The following METTL3 variants were observed in gnomAD, a reference collection of about 807,000 sequenced individuals.
The protein encoded by METTL3 is N(6)-adenosine-methyltransferase catalytic subunit METTL3.
Under a neutral mutation model 64.3 loss-of-function variants are expected in METTL3, and 42 were observed. The ratio of observed to expected loss-of-function variants is 0.65; its 90% CI spans 0.51 to 0.84. METTL3 has a LOEUF of 0.84. Ranked by LOEUF, METTL3 falls within the 40% of genes least tolerant of loss-of-function variation. METTL3 has a pLI of 0.00. For synonymous variants in METTL3, 256 were observed against 263.6 expected, an observed-to-expected ratio of 0.97 and a Z score of 0.28; for missense variants, 435 against 722.3, an observed-to-expected ratio of 0.60 and a Z score of 4.56.
At chr14:21,498,638 T>C (rs1048504035) in intron 10 of METTL3, 5 of 514,734 alleles carry the variant, frequency 9.7e-6, no homozygotes, top group Non-Finnish European at 1.7e-5. Flanking sequence ...TACCAGGGAG[T>C]ATTCTTTGGA....
intron 6 of METTL3, 52 bp downstream of exon 6, chr14:21,500,443 T>A (rs756154724): frequency 6.4e-7 from 1 of 1,557,764 alleles, no homozygotes; most frequent in Non-Finnish European, 8.9e-7. Context: ...TCCCATTCAG[T>A]ATTCACTCTT....
Position 21,499,750 on chromosome 14 carries a change from C to T in METTL3, c.1343+14G>A. ...GTATTACCCTCAAAAGAAAGCAACA[C>T]AACCACTACTTACCCCCAGAGGTTT... On this transcript the variant is annotated intron_variant, in intron 7 of 10. Transcript: ENST00000298717. The T allele has an allele frequency of 1.2e-6, 2 of 1,612,046 alleles. No individual in the cohort carries two copies. The highest frequency in any genetic ancestry group is 1.7e-6 in the Non-Finnish European group (2 of 1,178,172).
chr14:21,501,757 A>G lies in METTL3; in HGVS notation c.870T>C (p.Ala290=), dbSNP rs770292600. 6.2e-7 allele frequency: 1 copy of G among 1,614,238 alleles called. No individual in the cohort carries two copies. Among genetic ancestry groups the G allele is most frequent in the South Asian group, 1.1e-5 (1 of 91,088 alleles). ...AGTGCAGCTTGCGACAGGGTCGATC[A>G]GCATCACTGGCTTTCATGCACTCCT... ...TKEECMKASD[A]DRPCRKLHFR... The change falls in exon 4 of 11, where the codon GCT becomes GCC. Residue 290 remains alanine (A), a synonymous_variant. Coordinates refer to ENST00000298717, the MANE Select transcript of METTL3 (RefSeq NM_019852.5).
chr14:21,503,144 T>C, intron 3 of METTL3, 29 bp downstream of exon 3: 1 of 1,579,026 alleles, frequency 6.3e-7, no homozygotes, highest in Non-Finnish European at 8.6e-7. Context: ...TAAGAGCATA[T>C]TGTGAGAGTA....
chr14:21,499,015 G>A lies in METTL3; in HGVS notation c.1631+10C>T. 1 of 1,595,838 alleles carries A rather than the reference G, an allele frequency of 6.3e-7. No homozygotes were observed. The highest frequency in any genetic ancestry group is 1.1e-5 in the South Asian group (1 of 90,716). On this transcript the variant is annotated intron_variant, in intron 10 of 10. Transcript: ENST00000298717. ...CCCTTGAGGACTAGCCTGTTCTCTG[G>A]TCACCTTACCAGTTGGGTTGCACAT... is the stretch of plus-strand genomic sequence containing the variant.
At chr14:21,498,608 G>A in intron 10 of METTL3, 1 of 546,672 alleles carries the variant, frequency 1.8e-6, no homozygotes, top group Non-Finnish European at 3.2e-6. Context: ...TGCTTAGCCA[G>A]GCCTGCTTCA....
chr14:21,504,791 T>A (rs566336331), intron 1 of METTL3: 5 of 150,546 alleles, frequency 3.3e-5, no homozygotes, highest in African/African-American at 1.2e-4. Context: ...AAAAAAAAAT[T>A]TAGCTGGGGG....
At chr14:21,508,742 A>C (rs1307981182) in intron 1 of METTL3, among the ~76,000 whole-genome samples, 1 of 152,146 alleles carries the variant, frequency 6.6e-6, no homozygotes, top group East Asian at 1.9e-4. Flanking sequence ...TAAAAATACA[A>C]AATTAGCCAG....
chr14:21,503,812 G>C lies in METTL3; in HGVS notation c.170C>G (p.Thr57Ser), dbSNP rs560864627. ...TGTGCTGGGCTTAGGGCCACCAGAG[G>C]TGGGTGCAGTAGGCACTGGGCTGTC... The part of the protein sequence containing the change: ...RSDSPVPTAP[T>S]SGGPKPSTAS... The change falls in exon 2 of 11, where the codon ACC becomes AGC. Residue 57 changes from threonine to serine, a missense_variant. Coordinates refer to ENST00000298717, the MANE Select transcript of METTL3 (RefSeq NM_019852.5). 1.2e-6 allele frequency: 2 copies of C among 1,614,132 alleles called. No homozygotes were observed. The highest frequency in any genetic ancestry group is 1.7e-6 in the Non-Finnish European group (2 of 1,180,054).
chr14:21,505,903 A>T (rs1486100378), intron 1 of METTL3, among the ~76,000 whole-genome samples: 1 of 152,206 alleles, frequency 6.6e-6, no homozygotes, highest in African/African-American at 2.4e-5. Flanking sequence ...AGAACCACTG[A>T]AATTAATATG....
chr14:21,509,868 A>G (rs1470456866), intron 1 of METTL3, among the ~76,000 whole-genome samples: 1 of 152,248 alleles, frequency 6.6e-6, no homozygotes, highest in Non-Finnish European at 1.5e-5. Flanking sequence ...CCTCTTAGGT[A>G]ATTCAGGAAC....
chr14:21,498,310 C>T lies in METTL3; in HGVS notation c.1691G>A (p.Arg564Gln), dbSNP rs549627481. Residue 564 changes from arginine to glutamine, a missense_variant, in exon 11 of 11, where the codon CGG becomes CAG. Physicochemically the swap from Arg to Gln is conservative, Grantham distance 43 (BLOSUM62 1). Around this residue, in one of 9 missense-constraint regions of METTL3, gnomAD observed 20 missense variants for 26.2 expected, o/e 0.76. Coordinates refer to ENST00000298717, the MANE Select transcript of METTL3 (RefSeq NM_019852.5). ...ACCATCTGGGTACCTTTGCTTGAAC[C>T]GTGCAACCACATCTGGGTCTAGTAG... ...IHLLDPDVVA[R>Q]FKQRYPDGII... 43 of 1,614,020 alleles carry T rather than the reference C, an allele frequency of 2.7e-5. No individual in the cohort carries two copies. In the African/African-American group the frequency reaches 2.9e-4, roughly 11 times the overall value.
intron 3 of METTL3, 35 bp from the exon 4 acceptor site, chr14:21,501,938 T>C: frequency 6.2e-7 from 1 of 1,603,932 alleles, no homozygotes; most frequent in Non-Finnish European, 8.5e-7. Context: ...TAAAATGTCT[T>C]ATAGATCAAA....
In METTL3 at chr14:21,501,020, T is replaced by C. The variant is rs372328343; in HGVS notation, c.1009A>G (p.Met337Val). Residue 337 changes from methionine (M) to valine (V), a missense_variant, in exon 5 of 11, where the codon ATG becomes GTG. By Grantham distance (21) the Met-to-Val change is conservative. Around this residue, in one of 9 missense-constraint regions of METTL3, gnomAD observed 67 missense variants for 71.5 expected, o/e 0.94. Coordinates refer to ENST00000298717, the MANE Select transcript of METTL3 (RefSeq NM_019852.5). ...TTGCTGCCAGGGGCCTCAGAATCCA[T>C]GCAAGCATCAATTTCATAGTGAACA... ...KYVHYEIDAC[M>V]DSEAPGSKDH... 2.5e-6 allele frequency: 4 copies of C among 1,614,134 alleles called. No individual in the cohort carries two copies. The highest frequency in any genetic ancestry group is 3.4e-6 in the Non-Finnish European group (4 of 1,180,004).
intron 1 of METTL3, among the ~76,000 whole-genome samples, chr14:21,505,245 T>C (rs1014643281): frequency 2.6e-5 from 4 of 152,244 alleles, no homozygotes; most frequent in African/African-American, 9.6e-5. Context: ...CATTTCTTCT[T>C]TCATTTTCAG....
At chr14:21,501,988 A>G (rs1162591133) in intron 3 of METTL3, 85 bp from the exon 4 acceptor site, 1 of 1,110,362 alleles carries the variant, frequency 9.0e-7, no homozygotes, top group Non-Finnish European at 1.3e-6. Context: ...TTTTGACATT[A>G]ATGTCTTCTA....
chr14:21,507,624 C>G (rs1594445315), intron 1 of METTL3: 5 of 152,282 alleles, frequency 3.3e-5, no homozygotes, highest in Admixed American at 3.3e-4. Context: ...GATCGCGCCA[C>G]TGCATTCCAG....
intron 3 of METTL3, among the ~76,000 whole-genome samples, chr14:21,502,104 T>G (rs867922121): frequency 6.6e-6 from 1 of 150,740 alleles, no homozygotes; most frequent in Middle Eastern, 3.4e-3. Flanking sequence ...TTTCTCCCAC[T>G]GAACTCCCAG....
chr14:21,506,044 A>C (rs1482954310), intron 1 of METTL3, among the ~76,000 whole-genome samples: 2 of 152,126 alleles, frequency 1.3e-5, no homozygotes, highest in African/African-American at 4.8e-5. Context: ...GTTTGTTTCC[A>C]TTAAAATAAA....
Sources: gnomAD v4.1 joint callset for allele counts (sites outside exome capture counted in the v4.1 genomes callset) on GRCh38, gnomAD v4.1.1 for gene constraint, gnomAD v4.1.1 regional missense constraint, MANE v1.5 for transcripts, NCBI Gene and HGNC (gene_info 2026-07-23, HGNC 2026-07-21) for gene names.